The following CD200R1L variants were observed in gnomAD, a reference collection of about 807,000 sequenced individuals.
The protein encoded by CD200R1L is CD200 receptor 1 like, also known as cell surface glycoprotein CD200 receptor 2.
Under a neutral mutation model 24.8 loss-of-function variants are expected in CD200R1L, and 14 were observed. The observed-to-expected ratio is 0.56, with a 90% CI of 0.37 to 0.88. The LOEUF (loss-of-function observed/expected upper bound fraction) is 0.88. Among genes scored for constraint, CD200R1L ranks in the 40% least tolerant of loss-of-function variants. The probability of loss-of-function intolerance (pLI) is 0.00; values close to 1 mark genes in which losing one functional copy is unlikely to be tolerated. For synonymous variants in CD200R1L, 111 were observed against 109.2 expected, an observed-to-expected ratio of 1.02 and a Z score of -0.11; for missense variants, 299 against 297.8, an observed-to-expected ratio of 1.00 and a Z score of -0.03.
At chr3:112,834,780 A>C (rs1222257481) in intron 3 of CD200R1L, among the ~76,000 whole-genome samples, 2 of 152,238 alleles carry the variant, frequency 1.3e-5, no homozygotes, top group Non-Finnish European at 2.9e-5. Context: ...ATGGGATCCA[A>C]CCACTGCACA....
At position 112,827,038 on chromosome 3, in the gene CD200R1L, A is replaced by T; in HGVS notation, c.571T>A (p.Ser191Thr). 6.2e-7 allele frequency: 1 copy of T among 1,611,912 alleles called. No individual in the cohort carries two copies. Residue 191 changes from serine to threonine, a missense_variant, in exon 6 of 8, where the codon TCC (serine) becomes ACC (threonine). Physicochemically the swap from Ser to Thr is moderately conservative, Grantham distance 58 (BLOSUM62 1). Transcript: ENST00000488794. The part of the protein sequence containing the change: ...GHKSTVTCHV[S>T]HLTGNKSLSV... ...AGACTCTTGTTGCCAGTCAAATGGG[A>T]GACATGGCAGGTCACAGTAGACTTG... is the stretch of plus-strand genomic sequence containing the variant.
rs113499212 is a variant in CD200R1L at position 112,839,073 on chromosome 3, G to A, written c.-86-1063C>T. 1.1e-3 allele frequency among the ~76,000 whole-genome samples: 163 copies of A among 151,796 alleles called. 2 individuals are homozygous for A. The highest frequency in any genetic ancestry group is 3.7e-3 in the African/African-American group (153 of 41,406). On this transcript the variant is annotated intron_variant, in intron 2 of 7. Transcript: ENST00000488794. The stretch of plus-strand genomic sequence containing the variant: ...CACACACACACATACACACACACAC[G>A]TACATACACACATAAATATACATAC...
intron 2 of CD200R1L, among the ~76,000 whole-genome samples, chr3:112,845,162 A>T (rs962801521): frequency 6.6e-6 from 1 of 152,176 alleles, no homozygotes; most frequent in Non-Finnish European, 1.5e-5. Flanking sequence ...AGAAAAAAAA[A>T]GAGGAGGTTC....
intron 6 of CD200R1L, among the ~76,000 whole-genome samples, chr3:112,824,751 G>A (rs914595234): frequency 2.0e-5 from 3 of 152,196 alleles, no homozygotes; most frequent in African/African-American, 7.2e-5. Flanking sequence ...ACAGGGCTAT[G>A]GAGGTGCTCT....
At position 112,819,759 on chromosome 3, in the gene CD200R1L, C is replaced by G. The variant is rs767068513; in HGVS notation, c.740+13G>C. 6.9e-6 allele frequency: 11 copies of G among 1,586,540 alleles called. No individual in the cohort carries two copies. Among genetic ancestry groups the G allele is most frequent in the Non-Finnish European group, 2.6e-6 (3 of 1,171,904 alleles). ...TCTACTGTGTCTTATGCTTTTCAGTCTTCAGTTCCTACCTGACATGATTTA... is the reference window on the plus strand; with the variant it reads ...TCTACTGTGTCTTATGCTTTTCAGTGTTCAGTTCCTACCTGACATGATTTA... On this transcript the variant is annotated intron_variant, in intron 7 of 7. Coordinates refer to ENST00000488794, the MANE Select transcript of CD200R1L (RefSeq NM_001199215.3).
intron 6 of CD200R1L, among the ~76,000 whole-genome samples, chr3:112,824,289 T>C (rs1004762925): frequency 6.6e-6 from 1 of 152,216 alleles, no homozygotes; most frequent in African/African-American, 2.4e-5. Flanking sequence ...TTCTAAAGTT[T>C]CTAGCTTGAG....
At chr3:112,842,898 G>A (rs759235647) in intron 2 of CD200R1L, among the ~76,000 whole-genome samples, 3 of 152,152 alleles carry the variant, frequency 2.0e-5, no homozygotes, top group Non-Finnish European at 2.9e-5. Flanking sequence ...TACATGCACC[G>A]CTGAACATAG....
At position 112,827,450 on chromosome 3, in the gene CD200R1L, T is replaced by C; in HGVS notation, c.284A>G (p.Asp95Gly). 7 of 1,614,194 alleles carry C rather than the reference T, an allele frequency of 4.3e-6. No individual in the cohort carries two copies. Among genetic ancestry groups the C allele is most frequent in the Non-Finnish European group, 5.9e-6 (7 of 1,180,030 alleles). ...QNSDLQIRPVDTTHDGYYRGI... is the reference protein window; with the variant it reads ...QNSDLQIRPVGTTHDGYYRGI... ...TCTGTAATACCCGTCATGAGTGGTG[T>C]CCACCGGACGAATCTGAAGGTCCGA... is the stretch of plus-strand genomic sequence containing the variant. Residue 95 changes from aspartate to glycine, a missense_variant, in exon 5 of 8, where the codon GAC (aspartate) becomes GGC (glycine). Transcript: ENST00000488794.
intron 6 of CD200R1L, among the ~76,000 whole-genome samples, chr3:112,825,745 T>C (rs1261089484): frequency 1.3e-5 from 2 of 151,934 alleles, no homozygotes; most frequent in Non-Finnish European, 2.9e-5. Flanking sequence ...GAAAATAATT[T>C]AAGGAACAAA....
At chr3:112,835,859 G>T (rs529992178) in intron 3 of CD200R1L, among the ~76,000 whole-genome samples, 2 of 152,362 alleles carry the variant, frequency 1.3e-5, no homozygotes, top group African/African-American at 4.8e-5. Flanking sequence ...CAGCTTGGGC[G>T]GCTCCTTCCC....
chr3:112,826,858 G>T (rs1035620587), intron 6 of CD200R1L, 135 bp downstream of exon 6: 95 of 982,794 alleles, frequency 9.7e-5, no homozygotes, highest in Non-Finnish European at 1.3e-4. Context: ...GCGTTGTAAT[G>T]CATTTCTCAG....
At chr3:112,824,420 T>C (rs934657115) in intron 6 of CD200R1L, among the ~76,000 whole-genome samples, 1 of 152,022 alleles carries the variant, frequency 6.6e-6, no homozygotes, top group Non-Finnish European at 1.5e-5. Flanking sequence ...CAGTTGGAAG[T>C]TGGTTTTGGT....
rs1997281 is a variant in CD200R1L, at chr3:112,827,626, G to T, written c.108C>A (p.Ile36=). 5 of 1,613,696 alleles carry T rather than the reference G, an allele frequency of 3.1e-6. No homozygotes were observed. Among genetic ancestry groups the T allele is most frequent in the Non-Finnish European group, 4.2e-6 (5 of 1,179,780 alleles). ...TTATTATGATCAAATTTCTTAATGCGATAGGAGGGCAACAAAGCACAGCAT... is the reference window on the plus strand; with the variant it reads ...TTATTATGATCAAATTTCTTAATGCTATAGGAGGGCAACAAAGCACAGCAT... ...DINAVLCCPP[I]ALRNLIIITW... Residue 36 remains isoleucine (I), a synonymous_variant, in exon 5 of 8, where the codon ATC becomes ATA. Transcript: ENST00000488794.
At chr3:112,838,053 T>A in intron 2 of CD200R1L, 43 bp from the exon 3 acceptor site, 2 of 881,876 alleles carry the variant, frequency 2.3e-6, no homozygotes, top group Non-Finnish European at 3.1e-6. Context: ...AATTAAGAAC[T>A]TTTCTTTACT....
At chr3:112,832,390 G>A (rs1281323446) in intron 3 of CD200R1L, among the ~76,000 whole-genome samples, 6 of 152,138 alleles carry the variant, frequency 3.9e-5, no homozygotes, top group African/African-American at 1.4e-4. Flanking sequence ...AACATGCTTA[G>A]CAGCTTGCAG....
chr3:112,844,721 C>A (rs1465589359), intron 2 of CD200R1L, among the ~76,000 whole-genome samples: 1 of 152,034 alleles, frequency 6.6e-6, no homozygotes, highest in African/African-American at 2.4e-5. Flanking sequence ...GTCAGGAGTT[C>A]AAGACCAGCC....
At chr3:112,833,594 C>G (rs1161496105) in intron 3 of CD200R1L, among the ~76,000 whole-genome samples, 1 of 152,204 alleles carries the variant, frequency 6.6e-6, no homozygotes, top group East Asian at 1.9e-4. Context: ...CCCAGTAGCA[C>G]TCCATTGTAA....
intron 2 of CD200R1L, 47 bp downstream of exon 2, chr3:112,845,632 A>G: frequency 6.8e-7 from 1 of 1,479,618 alleles, no homozygotes; most frequent in South Asian, 1.1e-5. Flanking sequence ...ATAATCATTG[A>G]AAGAAAGCTT....
intron 3 of CD200R1L, among the ~76,000 whole-genome samples, chr3:112,836,897 G>A (rs904522944): frequency 2.0e-5 from 3 of 152,096 alleles, no homozygotes; most frequent in African/African-American, 7.2e-5. Context: ...AGTTATACTT[G>A]TAAAATTTAG....
Sources: allele counts gnomAD v4.1 joint callset (sites outside exome capture counted in the v4.1 genomes callset), GRCh38; gene constraint gnomAD v4.1.1; transcripts MANE v1.5; gene names NCBI Gene and HGNC (gene_info 2026-07-23, HGNC 2026-07-21).